The following EPHA7 variants were observed in gnomAD, a reference collection of about 807,000 sequenced individuals.
EPHA7 encodes EPH receptor A7.
Under a neutral mutation model 112.6 loss-of-function variants are expected in EPHA7, and 25 were observed. That is an observed-to-expected ratio of 0.22 (90% CI 0.16 to 0.31). The LOEUF (loss-of-function observed/expected upper bound fraction) is 0.31, where lower values mean the gene tolerates loss of function less well. Among genes scored for constraint, EPHA7 ranks in the 10% least tolerant of loss-of-function variants. EPHA7 has a pLI of 1.00. For missense variants in EPHA7, 962 were observed against 1,212.6 expected, an observed-to-expected ratio of 0.79 and a Z score of 3.07; for synonymous variants, 437 against 406.5, an observed-to-expected ratio of 1.07 and a Z score of -0.90.
chr6:93,257,497 A>G lies in EPHA7; in HGVS notation c.2137T>C (p.Phe713Leu), dbSNP rs747133463. Residue 713 changes from phenylalanine to leucine, a missense_variant, in exon 12 of 17, where the codon TTC becomes CTC. Phe to Leu is a conservative substitution (Grantham distance 22). Coordinates refer to ENST00000369303, the MANE Select transcript of EPHA7 (RefSeq NM_004440.4). The stretch of plus-strand genomic sequence containing the variant: ...GCATCTAGGGCTCCATTTTCCATGA[A>G]CTCTATTACTATCATGACTGGTTTC... Reference protein sequence around the residue: ...RGKPVMIVIEFMENGALDAFL... With the variant: ...RGKPVMIVIELMENGALDAFL... The G allele has an allele frequency of 6.2e-7, 1 of 1,611,478 alleles. No homozygotes were observed. Among genetic ancestry groups the G allele is most frequent in the Admixed American group, 1.7e-5 (1 of 59,816 alleles).
At chr6:93,396,263 A>G (rs1285257316) in intron 3 of EPHA7, among the ~76,000 whole-genome samples, 1 of 152,044 alleles carries the variant, frequency 6.6e-6, no homozygotes, top group Non-Finnish European at 1.5e-5. Context: ...ATTATACAGA[A>G]CTATTCAGTA....
intron 3 of EPHA7, among the ~76,000 whole-genome samples, chr6:93,397,034 AT>A (rs1778211898): frequency 6.6e-6 from 1 of 151,756 alleles, no homozygotes; most frequent in Admixed American, 6.6e-5. Context: ...TGAGAACATT[AT>A]CAAATTATAG....
intron 3 of EPHA7, among the ~76,000 whole-genome samples, chr6:93,358,698 A>C (rs1330199523): frequency 6.6e-6 from 1 of 152,210 alleles, no homozygotes; most frequent in Admixed American, 6.5e-5. Context: ...TTTAGCCAAA[A>C]CCTTAGAACA....
chr6:93,320,328 A>G (rs930508168), intron 5 of EPHA7, among the ~76,000 whole-genome samples: 2 of 152,110 alleles, frequency 1.3e-5, no homozygotes, highest in Non-Finnish European at 1.5e-5. Context: ...GCATTTTAAT[A>G]TATAAGTACA....
intron 5 of EPHA7, among the ~76,000 whole-genome samples, chr6:93,346,961 A>G (rs922757482): frequency 6.6e-6 from 1 of 151,900 alleles, no homozygotes; most frequent in African/African-American, 2.4e-5. Flanking sequence ...CAATTGCAAA[A>G]TAAACGATCT....
intron 3 of EPHA7, among the ~76,000 whole-genome samples, chr6:93,381,742 C>A (rs1239663559): frequency 5.3e-5 from 6 of 112,632 alleles, no homozygotes; most frequent in African/African-American, 2.1e-4. Flanking sequence ...TTTTTTTTTT[C>A]TTATACCTGT....
At chr6:93,320,072 A>G (rs1192777370) in intron 5 of EPHA7, among the ~76,000 whole-genome samples, 1 of 152,052 alleles carries the variant, frequency 6.6e-6, no homozygotes, top group South Asian at 2.1e-4. Context: ...GATGTGACTC[A>G]GTGGTGAACT....
chr6:93,316,710 G>T (rs1199452767), intron 5 of EPHA7, among the ~76,000 whole-genome samples: 1 of 151,972 alleles, frequency 6.6e-6, no homozygotes, highest in Non-Finnish European at 1.5e-5. Context: ...AAGCAAAATT[G>T]TTTACTATGT....
intron 5 of EPHA7, 74 bp downstream of exon 5, chr6:93,356,643 C>G (rs1775960905): frequency 7.4e-7 from 1 of 1,356,990 alleles, no homozygotes; most frequent in African/African-American, 1.5e-5. Flanking sequence ...GAGAAACTAA[C>G]TAAATGTTCA....
chr6:93,259,465 T>C lies in EPHA7; in HGVS notation c.1813A>G (p.Thr605Ala). ...ELYFHFKFPGTKTYIDPETYE... is the reference protein window; with the variant it reads ...ELYFHFKFPGAKTYIDPETYE... ...GTTTCAGGGTCAATGTAGGTTTTGG[T>C]GCCTGGAAATTTAACTGTAATGATG... Residue 605 changes from threonine (T) to alanine (A), a missense_variant, in exon 10 of 17, where the codon ACC becomes GCC. By Grantham distance (58) the Thr-to-Ala change is moderately conservative. Transcript: ENST00000369303. The C allele has an allele frequency of 6.2e-7, 1 of 1,611,552 alleles. No homozygotes were observed. Among genetic ancestry groups the C allele is most frequent in the Non-Finnish European group, 8.5e-7 (1 of 1,178,134 alleles).
At position 93,400,593 on chromosome 6, in the gene EPHA7, C is replaced by A. The variant is rs534655167; in HGVS notation, c.832+9908G>T. On this transcript the variant is annotated intron_variant, in intron 3 of 16. Coordinates refer to ENST00000369303, the MANE Select transcript of EPHA7 (RefSeq NM_004440.4). Reference sequence around the variant, plus strand: ...TCACCCTGGCTGGGGTGCAGTGGTACCATTATCACTCACTGCTCACTGTGA... The same window carrying A: ...TCACCCTGGCTGGGGTGCAGTGGTAACATTATCACTCACTGCTCACTGTGA... Among the ~76,000 whole-genome samples the A allele has an allele frequency of 9.2e-5, 14 of 152,100 alleles. No individual in the cohort carries two copies. The East Asian group carries it at 2.7e-3, about 30-fold the overall frequency.
At chr6:93,272,820 T>C (rs1334378987) in intron 5 of EPHA7, among the ~76,000 whole-genome samples, 1 of 152,010 alleles carries the variant, frequency 6.6e-6, no homozygotes, top group African/African-American at 2.4e-5. Context: ...AAAAATAATT[T>C]AATATGATGC....
At chr6:93,391,713 GGAT>G (rs1211006145) in intron 3 of EPHA7, among the ~76,000 whole-genome samples, 3 of 151,796 alleles carry the variant, frequency 2.0e-5, no homozygotes, top group Non-Finnish European at 4.4e-5. Context: ...AAAGGTGGAA[GGAT>G]GAGAGGGAGA....
intron 3 of EPHA7, among the ~76,000 whole-genome samples, chr6:93,385,536 G>A (rs1353672100): frequency 4.0e-5 from 6 of 151,862 alleles, no homozygotes; most frequent in Non-Finnish European, 8.8e-5. Flanking sequence ...TAACTACAAT[G>A]GTATCTCATA....
rs536469616 is a variant in EPHA7, at chr6:93,356,210, GT to G, written c.1324+506del. Among the ~76,000 whole-genome samples, 1,133 of 147,750 alleles carry G rather than the reference GT, an allele frequency of 7.7e-3. 25 individuals carry two copies. The highest frequency in any genetic ancestry group is 0.027 in the African/African-American group (1,078 of 40,456). ...TTAAGGGTTTACAATTTTATCTCCT[GT>G]TTTTTTTTTTCCAGAGACAAGAGTC... On this transcript the variant is annotated intron_variant, in intron 5 of 16. Coordinates refer to ENST00000369303, the MANE Select transcript of EPHA7 (RefSeq NM_004440.4).
chr6:93,339,694 T>C (rs552942964), intron 5 of EPHA7, among the ~76,000 whole-genome samples: 1 of 151,880 alleles, frequency 6.6e-6, no homozygotes, highest in East Asian at 1.9e-4. Context: ...TGATTTTATT[T>C]TGATATAGAA....
At chr6:93,308,635 T>G (rs534330252) in intron 5 of EPHA7, among the ~76,000 whole-genome samples, 2 of 152,290 alleles carry the variant, frequency 1.3e-5, no homozygotes, top group East Asian at 3.9e-4. Flanking sequence ...GAATTATTTA[T>G]AAATAATTGT....
chr6:93,333,762 A>C (rs1774720642), intron 5 of EPHA7, among the ~76,000 whole-genome samples: 1 of 151,950 alleles, frequency 6.6e-6, no homozygotes, highest in Non-Finnish European at 1.5e-5. Flanking sequence ...CTGTACAATG[A>C]GAATTACTAA....
At position 93,368,192 on chromosome 6, in the gene EPHA7, AT is replaced by A. The variant is rs1341890919; in HGVS notation, c.833-9782del. Among the ~76,000 whole-genome samples, 5 of 152,262 alleles carry A rather than the reference AT, an allele frequency of 3.3e-5. No homozygotes were observed. In the East Asian group the frequency reaches 9.7e-4, roughly 29 times the overall value. On this transcript the variant is annotated intron_variant, in intron 3 of 16. Coordinates refer to ENST00000369303, the MANE Select transcript of EPHA7 (RefSeq NM_004440.4). ...AGCTTAAGCTAATTAAATTTCTGAT[AT>A]TTAATAGTAAATTACTTATATAAAT...
Sources: allele counts gnomAD v4.1 joint callset (sites outside exome capture counted in the v4.1 genomes callset), GRCh38; gene constraint gnomAD v4.1.1; transcripts MANE v1.5; gene names NCBI Gene and HGNC (gene_info 2026-07-23, HGNC 2026-07-21).